RPS3A: variants seen among roughly 807,000 people sequenced by gnomAD.
RPS3A encodes the protein ribosomal protein S3A, also known as small ribosomal subunit protein eS1.
A neutral mutation model predicts 26.4 loss-of-function variants in RPS3A; 1 was observed. That is an observed-to-expected ratio of 0.04 (90% CI 0.01 to 0.18). The LOEUF is 0.18. Ranked by LOEUF, RPS3A falls within the 10% of genes least tolerant of loss-of-function variation. The probability of loss-of-function intolerance (pLI) is 1.00; values close to 1 mark genes in which losing one functional copy is unlikely to be tolerated. For missense variants in RPS3A, 139 were observed against 326.8 expected (o/e 0.43, Z 4.43); for synonymous variants, 97 against 106.1 (o/e 0.91, Z 0.53).
rs1747208977 is a variant in RPS3A at position 151,103,213 on chromosome 4, A to T, written c.563+134A>T. Reference sequence around the variant, plus strand: ...TGAATCCTTCTAGCTATATCTCTTTAAGTGAAAGAGTGTTAAGTACTCAGT... The same window carrying T: ...TGAATCCTTCTAGCTATATCTCTTTTAGTGAAAGAGTGTTAAGTACTCAGT... On this transcript the variant is annotated intron_variant, in intron 4 of 5. Coordinates refer to ENST00000274065, the MANE Select transcript of RPS3A (RefSeq NM_001006.5). The T allele has an allele frequency of 2.1e-5, 30 of 1,399,920 alleles. No homozygotes were observed. In the South Asian group the frequency reaches 4.5e-4, roughly 21 times the overall value. The allele number at this position is 1,399,920 out of a possible 1,614,324, so 86.7% of individuals were successfully genotyped here. A position where few individuals can be genotyped will look rare whatever the true frequency, so the allele number is the denominator to read the frequency against.
chr4:151,102,826 GA>G, intron 3 of RPS3A, 44 bp from the exon 4 acceptor site: 2 of 1,563,656 alleles, frequency 1.3e-6, no homozygotes, highest in South Asian at 2.3e-5. Context: ...GGGATAAATG[GA>G]TAACGTAAAA....
At chr4:151,103,166 A>G in intron 4 of RPS3A, 87 bp downstream of exon 4, 1 of 1,499,352 alleles carries the variant, frequency 6.7e-7, no homozygotes, top group South Asian at 1.3e-5. Context: ...GACAAGGTAA[A>G]GGTCTGTTGA....
chr4:151,104,471 G>A lies in RPS3A; in HGVS notation c.674-1G>A. ...TTTTTTTTTTTTTTTTTGCCTTTTA[G>A]TGGGAAAGCTCATGGAGCTTCATGG... On this transcript the variant is annotated splice_acceptor_variant, in intron 5 of 5. Transcript: ENST00000274065. LOFTEE classifies it high-confidence loss of function. 1 of 242,160 alleles carries A rather than the reference G, an allele frequency of 4.1e-6. No individual in the cohort carries two copies. The highest frequency in any genetic ancestry group is 6.6e-5 in the African/African-American group (1 of 15,142). 15.0% of individuals were successfully genotyped at this position (242,160 alleles called of 1,614,324 possible).
rs946809829 is a variant in RPS3A at position 151,100,923 on chromosome 4, C to T, written c.167-52C>T. The T allele has an allele frequency of 9.9e-6, 13 of 1,318,416 alleles. 1 individual carries two copies. Among genetic ancestry groups the T allele is most frequent in the East Asian group, 4.6e-5 (2 of 43,042 alleles). The allele number at this position is 1,318,416 out of a possible 1,614,324, so 81.7% of individuals were successfully genotyped here. ...TTCTACCCTCAGTTTACAGGCTTGACTTTGCTTATATGGTTCCTAAATGTT... is the reference window on the plus strand; with the variant it reads ...TTCTACCCTCAGTTTACAGGCTTGATTTTGCTTATATGGTTCCTAAATGTT... On this transcript the variant is annotated intron_variant, in intron 2 of 5. Transcript: ENST00000274065.
intron 1 of RPS3A, chr4:151,100,018 A>G (rs897437062): frequency 2.8e-5 from 17 of 615,080 alleles, no homozygotes; most frequent in Middle Eastern, 2.5e-4. Context: ...GTTTGATGGC[A>G]CTGCGACAGC....
chr4:151,102,267 C>T (rs768596351), intron 3 of RPS3A: 4 of 243,246 alleles, frequency 1.6e-5, no homozygotes, highest in Non-Finnish European at 3.3e-5. Context: ...TCATCACTAC[C>T]CAAGATGTTT....
intron 4 of RPS3A, chr4:151,103,558 C>T (rs1579559151): frequency 3.9e-6 from 4 of 1,037,822 alleles, no homozygotes; most frequent in East Asian, 8.6e-5. Flanking sequence ...GAAGCTGTCT[C>T]ACAGTAGATG....
chr4:151,100,385 C>G, intron 1 of RPS3A, 100 bp from the exon 2 acceptor site: 1 of 692,320 alleles, frequency 1.4e-6, no homozygotes, highest in South Asian at 1.8e-5. Context: ...ATCAAATTGC[C>G]GGTTAGCTTT....
Position 151,103,298 on chromosome 4 carries a change from C to T in RPS3A, c.563+219C>T, listed in dbSNP as rs187100259. ...AGAGTCTTGCTCTGTTGCCCAGGCT[C>T]GAGTGCAGTATTGTGATCCTCCTTG... On this transcript the variant is annotated intron_variant, in intron 4 of 5. Transcript: ENST00000274065. 4.5e-4 allele frequency: 411 copies of T among 913,146 alleles called. 2 individuals carry two copies. The highest frequency in any genetic ancestry group is 2.6e-4 in the Non-Finnish European group (174 of 667,356). 56.6% of individuals were successfully genotyped at this position (913,146 alleles called of 1,614,324 possible).
chr4:151,100,424 C>T (rs1747068952), intron 1 of RPS3A, 61 bp from the exon 2 acceptor site: 3 of 916,204 alleles, frequency 3.3e-6, no homozygotes, highest in African/African-American at 1.7e-5. Context: ...ATACCATTAA[C>T]AGTGAAAAAT....
intron 1 of RPS3A, chr4:151,099,947 C>A: frequency 1.8e-6 from 1 of 546,992 alleles, no homozygotes. Context: ...GCCGGCTTGC[C>A]GGCGCGACTC....
chr4:151,103,247 T>TCA, intron 4 of RPS3A, 168 bp downstream of exon 4: 2 of 1,245,246 alleles, frequency 1.6e-6, no homozygotes, highest in Non-Finnish European at 2.1e-6. Flanking sequence ...GTAAATATGA[T>TCA]TATTATTACT....
At position 151,099,924 on chromosome 4, in the gene RPS3A, G is replaced by A. The variant is rs766737142; in HGVS notation, c.62+210G>A. On this transcript the variant is annotated intron_variant, in intron 1 of 5. Transcript: ENST00000274065. The stretch of plus-strand genomic sequence containing the variant: ...TTCCCAGGCCTTCTGGTCCTTGCGC[G>A]CGTCGCGTTTGAGCCGGCTTGCCGG... The A allele has an allele frequency of 5.8e-6, 4 of 686,436 alleles. No homozygotes were observed. In the East Asian group the frequency reaches 8.4e-5, roughly 14 times the overall value. 42.5% of individuals were successfully genotyped at this position (686,436 alleles called of 1,614,324 possible).
chr4:151,100,616 T>G, intron 2 of RPS3A, 28 bp downstream of exon 2: 1 of 1,338,350 alleles, frequency 7.5e-7, no homozygotes, highest in Non-Finnish European at 1.1e-6. Context: ...GGTTTGTATT[T>G]TCCTTAAGTT....
At chr4:151,103,940 G>A (rs753477185) in intron 4 of RPS3A, 19 of 1,519,576 alleles carry the variant, frequency 1.3e-5, no homozygotes, top group Non-Finnish European at 1.6e-5. Context: ...AAAAGCATAA[G>A]GCTTGGACTC....
At chr4:151,100,319 G>A in intron 1 of RPS3A, 166 bp from the exon 2 acceptor site, 2 of 584,940 alleles carry the variant, frequency 3.4e-6, no homozygotes, top group Non-Finnish European at 6.1e-6. Context: ...AACGTACAGT[G>A]GGAAGAGCTA....
chr4:151,100,230 T>G (rs574284660), intron 1 of RPS3A, among the ~76,000 whole-genome samples: 2 of 152,178 alleles, frequency 1.3e-5, no homozygotes, highest in African/African-American at 4.8e-5. Context: ...ATGCATGTTA[T>G]TCTAAGTGCC....
At chr4:151,104,439 G>GTTTTTATTTTTTTTT (rs1747274347) in intron 5 of RPS3A, 33 bp from the exon 6 acceptor site, 1 of 529,432 alleles carries the variant, frequency 1.9e-6, no homozygotes, top group Non-Finnish European at 2.5e-6. Flanking sequence ...CAGTTTTTTG[G>GTTTTTATTTTTTTTT]TTTTTTTTTT....
intron 2 of RPS3A, 48 bp downstream of exon 2, chr4:151,100,636 A>G (rs1423426733): frequency 5.5e-6 from 6 of 1,096,958 alleles, no homozygotes; most frequent in South Asian, 1.3e-5. Flanking sequence ...TGGCGCTTGT[A>G]TATTGTAGCA....
Sources: gnomAD v4.1 joint callset for allele counts (sites outside exome capture counted in the v4.1 genomes callset) on GRCh38, gnomAD v4.1.1 for gene constraint, MANE v1.5 for transcripts, NCBI Gene and HGNC (gene_info 2026-07-23, HGNC 2026-07-21) for gene names.